LDLRAD4: variants seen among roughly 807,000 people sequenced by gnomAD.
LDLRAD4 encodes low density lipoprotein receptor class A domain containing 4.
LDLRAD4 carries 5 observed loss-of-function variants against 17.0 expected under a neutral mutation model. The observed-to-expected ratio is 0.29, with a 90% CI of 0.15 to 0.62. The LOEUF (loss-of-function observed/expected upper bound fraction) is 0.62, where lower values mean the gene tolerates loss of function less well. Among genes scored for constraint, LDLRAD4 ranks in the 20% least tolerant of loss-of-function variants. LDLRAD4 has a pLI of 0.84. For synonymous variants in LDLRAD4, 168 were observed against 171.8 expected (o/e 0.98, Z 0.17); for missense variants, 340 against 424.7 (o/e 0.80, Z 1.75).
At chr18:13,370,729 G>GTTTTTTTTTTTTTTT (rs71174168) in intron 1 of LDLRAD4, among the ~76,000 whole-genome samples, 3 of 100,852 alleles carry the variant, frequency 3.0e-5, no homozygotes, top group East Asian at 6.7e-4. Flanking sequence ...TTTTTTTTTT[G>GTTTTTTTTTTTTTTT]AGATGGATTC....
intron 2 of LDLRAD4, among the ~76,000 whole-genome samples, chr18:13,430,288 G>A (rs548395472): frequency 1.3e-5 from 2 of 152,222 alleles, no homozygotes; most frequent in Admixed American, 6.5e-5. Flanking sequence ...AGTGGGCGAC[G>A]TGGAGCTCCT....
intron 1 of LDLRAD4, among the ~76,000 whole-genome samples, chr18:13,255,269 G>T (rs1031922313): frequency 6.6e-6 from 1 of 152,146 alleles, no homozygotes; most frequent in African/African-American, 2.4e-5. Context: ...CCTGGCCTAG[G>T]GTCTGTGCTG....
intron 4 of LDLRAD4, among the ~76,000 whole-genome samples, chr18:13,629,940 T>A (rs942928772): frequency 6.6e-6 from 1 of 152,178 alleles, no homozygotes; most frequent in Non-Finnish European, 1.5e-5. Context: ...AGCTCTGACT[T>A]CTTCTCACAT....
chr18:13,253,107 C>T (rs1463714076), intron 1 of LDLRAD4, among the ~76,000 whole-genome samples: 1 of 152,140 alleles, frequency 6.6e-6, no homozygotes, highest in African/African-American at 2.4e-5. Context: ...AATGTGTGAT[C>T]ACATTGCCTG....
At chr18:13,576,775 G>T (rs1400140282) in intron 3 of LDLRAD4, among the ~76,000 whole-genome samples, 2 of 152,214 alleles carry the variant, frequency 1.3e-5, no homozygotes, top group Admixed American at 1.3e-4. Context: ...GCTGTAGCAG[G>T]GGGATGTCCG....
Position 13,616,805 on chromosome 18 carries a change from C to T in LDLRAD4, c.182-4312C>T, listed in dbSNP as rs540878737. ...GCTGCCGCCACCCCAGGGCACCCCA[C>T]GGGGCCACTCGATTCGGTTTGCAGG... On this transcript the variant is annotated intron_variant, in intron 3 of 5. Coordinates refer to ENST00000359446, the Ensembl canonical transcript of LDLRAD4. Among the ~76,000 whole-genome samples, 7 of 152,322 alleles carry T rather than the reference C, an allele frequency of 4.6e-5. No homozygotes were observed. In the South Asian group the frequency reaches 6.2e-4, roughly 14 times the overall value.
chr18:13,497,091 T>C (rs1470585381), intron 3 of LDLRAD4, among the ~76,000 whole-genome samples: 1 of 152,240 alleles, frequency 6.6e-6, no homozygotes, highest in Non-Finnish European at 1.5e-5. Context: ...GCTGCCTGAC[T>C]CATAATGAGC....
chr18:13,345,049 T>C (rs2082602297), intron 1 of LDLRAD4, among the ~76,000 whole-genome samples: 1 of 152,238 alleles, frequency 6.6e-6, no homozygotes, highest in Non-Finnish European at 1.5e-5. Context: ...TGACTTCCTC[T>C]ATTCCTAATT....
In LDLRAD4 at chr18:13,645,248, C is replaced by T; in HGVS notation, c.512C>T (p.Thr171Ile). 6.2e-7 allele frequency: 1 copy of T among 1,614,196 alleles called. No individual in the cohort carries two copies. Among genetic ancestry groups the T allele is most frequent in the Non-Finnish European group, 8.5e-7 (1 of 1,180,028 alleles). The change falls in exon 6 of 6, where the codon ACC (threonine) becomes ATC (isoleucine). Residue 171 changes from threonine to isoleucine, a missense_variant. Coordinates refer to ENST00000359446, the Ensembl canonical transcript of LDLRAD4. This position sits in a 1 kb window ranked among gnomAD's most constrained non-coding sequence, Gnocchi z 5.7. Reference sequence around the variant, plus strand: ...CAGCACGAGATTGATCTTCCTCCCACCATCTCCCTGTCCGACGGTGAAGAG... The same window carrying T: ...CAGCACGAGATTGATCTTCCTCCCATCATCTCCCTGTCCGACGGTGAAGAG...
At chr18:13,368,682 G>C (rs928061814) in intron 1 of LDLRAD4, among the ~76,000 whole-genome samples, 2 of 152,194 alleles carry the variant, frequency 1.3e-5, no homozygotes, top group Non-Finnish European at 2.9e-5. Context: ...GTGGGTTTGG[G>C]GGACCAGGTT....
chr18:13,436,741 A>T (rs1210417419), intron 2 of LDLRAD4, among the ~76,000 whole-genome samples: 1 of 152,256 alleles, frequency 6.6e-6, no homozygotes, highest in Non-Finnish European at 1.5e-5. Context: ...GTTTGGCTCC[A>T]GCAGCACCCC....
chr18:13,374,753 G>A (rs747130843), intron 1 of LDLRAD4, among the ~76,000 whole-genome samples: 1 of 152,200 alleles, frequency 6.6e-6, no homozygotes, highest in Admixed American at 6.5e-5. Context: ...GCTGAGGGGC[G>A]ATTGAGAAGG....
chr18:13,427,214 A>G (rs2090004780), intron 2 of LDLRAD4, among the ~76,000 whole-genome samples: 1 of 151,844 alleles, frequency 6.6e-6, no homozygotes, highest in African/African-American at 2.4e-5. Flanking sequence ...AAATAAATAA[A>G]TAAAACAAAA....
intron 2 of LDLRAD4, among the ~76,000 whole-genome samples, chr18:13,433,765 T>G (rs1230542766): frequency 1.3e-5 from 2 of 152,196 alleles, no homozygotes; most frequent in African/African-American, 4.8e-5. Context: ...CCCCCTAGTT[T>G]TAGGGCTCCT....
chr18:13,606,293 T>C (rs550305687), intron 3 of LDLRAD4, among the ~76,000 whole-genome samples: 138 of 152,218 alleles, frequency 9.1e-4, no homozygotes, highest in Non-Finnish European at 1.7e-3. Context: ...TATACCACCA[T>C]AAATGTGGAC....
intron 2 of LDLRAD4, among the ~76,000 whole-genome samples, chr18:13,417,206 A>G (rs931575472): frequency 6.6e-6 from 1 of 152,228 alleles, no homozygotes; most frequent in Non-Finnish European, 1.5e-5. Context: ...GTAGGGATAC[A>G]CCCAGCCAAA....
At chr18:13,406,485 A>G (rs1003952969) in intron 2 of LDLRAD4, among the ~76,000 whole-genome samples, 3 of 152,194 alleles carry the variant, frequency 2.0e-5, no homozygotes, top group African/African-American at 7.2e-5. Flanking sequence ...ACGAGGATAT[A>G]GTCAGGAGGA....
chr18:13,617,805 C>CT (rs11438859), intron 3 of LDLRAD4, among the ~76,000 whole-genome samples: 124,809 of 152,128 alleles, frequency 0.82, 51,957 homozygotes, highest in East Asian at 0.98. Context: ...ATATTTTTGC[C>CT]ATCAGATTGT....
intron 3 of LDLRAD4, among the ~76,000 whole-genome samples, chr18:13,455,714 G>A (rs1267927645): frequency 1.3e-5 from 2 of 152,128 alleles, no homozygotes; most frequent in African/African-American, 4.8e-5. Flanking sequence ...CAGCCCCAGG[G>A]AAGATATCCG....
Sources: allele counts gnomAD v4.1 joint callset (sites outside exome capture counted in the v4.1 genomes callset), GRCh38; gene constraint gnomAD v4.1.1; non-coding constraint Gnocchi (gnomAD v3.1); transcripts MANE v1.5; gene names NCBI Gene and HGNC (gene_info 2026-07-23, HGNC 2026-07-21).